GDA: variants seen among roughly 807,000 people sequenced by gnomAD.
The protein encoded by GDA is cytoplasmic PSD-95 interactor.
GDA carries 18 observed loss-of-function variants against 59.6 expected under a neutral mutation model. That is an observed-to-expected ratio of 0.30 (90% CI 0.21 to 0.45). The LOEUF is 0.45. GDA is among the 20% of genes least tolerant of loss of function. The pLI is 1.00. For missense variants in GDA, 427 were observed against 552.3 expected (o/e 0.77, Z 2.27); for synonymous variants, 201 against 201.1 (o/e 1.00, Z 0.00).
At chr9:72,214,435 A>G (rs926078021) in intron 5 of GDA, among the ~76,000 whole-genome samples, 8 of 151,998 alleles carry the variant, frequency 5.3e-5, no homozygotes, top group East Asian at 1.9e-4. Flanking sequence ...AGCTGGGACT[A>G]TAGGTGCATG....
chr9:72,245,324 G>A (rs543352362), intron 12 of GDA, 46 bp downstream of exon 12: 46 of 1,412,850 alleles, frequency 3.3e-5, no homozygotes, highest in South Asian at 1.8e-4. Context: ...TCATAAAGTC[G>A]TCATAATAGC....
intron 1 of GDA, among the ~76,000 whole-genome samples, chr9:72,155,922 A>C (rs550197743): frequency 5.0e-4 from 76 of 152,306 alleles, no homozygotes; most frequent in African/African-American, 1.8e-3. Context: ...TGGTCTACCT[A>C]ATAGGGTTGT....
intron 1 of GDA, among the ~76,000 whole-genome samples, chr9:72,141,467 C>G (rs1319290651): frequency 1.3e-5 from 2 of 150,662 alleles, no homozygotes; most frequent in Non-Finnish European, 3.0e-5. Context: ...TTTTTTTTTC[C>G]TTAAAATCAT....
intron 1 of GDA, among the ~76,000 whole-genome samples, chr9:72,164,964 T>C (rs565701392): frequency 6.9e-6 from 1 of 144,654 alleles, no homozygotes; most frequent in South Asian, 2.2e-4. Flanking sequence ...CACTCCAGCC[T>C]GGGCTACAGA....
intron 1 of GDA, among the ~76,000 whole-genome samples, chr9:72,140,637 G>T (rs1826409262): frequency 6.6e-6 from 1 of 152,078 alleles, no homozygotes; most frequent in African/African-American, 2.4e-5. Context: ...AATTGATGTT[G>T]TCATATTATG....
chr9:72,188,657 A>G (rs1832138627), intron 1 of GDA, among the ~76,000 whole-genome samples: 1 of 152,232 alleles, frequency 6.6e-6, no homozygotes. Flanking sequence ...CTATGGCAAT[A>G]CTGCACAAAA....
At chr9:72,130,955 G>T (rs969976488) in intron 1 of GDA, among the ~76,000 whole-genome samples, 3 of 152,166 alleles carry the variant, frequency 2.0e-5, no homozygotes, top group African/African-American at 7.2e-5. Flanking sequence ...TACACCCTGG[G>T]ATGTATACCC....
At chr9:72,214,302 G>A (rs762460794) in intron 5 of GDA, among the ~76,000 whole-genome samples, 29 of 147,728 alleles carry the variant, frequency 2.0e-4, no homozygotes, top group African/African-American at 3.2e-4. Context: ...TTTTTGAGAC[G>A]GAGTCTCACT....
At chr9:72,244,783 A>G (rs1054359780) in intron 11 of GDA, among the ~76,000 whole-genome samples, 3 of 152,222 alleles carry the variant, frequency 2.0e-5, no homozygotes, top group African/African-American at 7.2e-5. Context: ...GGAGAATAGA[A>G]GGGAAAAAGA....
intron 6 of GDA, among the ~76,000 whole-genome samples, chr9:72,219,837 G>T (rs35560375): frequency 6.6e-6 from 1 of 152,000 alleles, no homozygotes; most frequent in Non-Finnish European, 1.5e-5. Context: ...CTGTACACTA[G>T]ATCCTCAGAA....
intron 1 of GDA, among the ~76,000 whole-genome samples, chr9:72,137,579 A>G (rs1826285425): frequency 6.6e-6 from 1 of 151,548 alleles, no homozygotes; most frequent in African/African-American, 2.4e-5. Context: ...ATTTTCTAAG[A>G]CTCTGTGGTG....
chr9:72,133,287 T>TAA lies in GDA; in HGVS notation c.-100+18476_-100+18477dup, dbSNP rs1257876460. Among the ~76,000 whole-genome samples the TAA allele has an allele frequency of 3.6e-3, 344 of 95,482 alleles. 2 individuals carry two copies. Among genetic ancestry groups the TAA allele is most frequent in the African/African-American group, 0.015 (335 of 23,044 alleles). 62.6% of individuals were successfully genotyped at this position (95,482 alleles called of 152,430 possible). ...CCAGGTGACAAAGCAAGACTCTGTC[T>TAA]AAAAAAAAAAAAAAAAAAAAAAATA... On this transcript the variant is annotated intron_variant, in intron 1 of 13. Transcript: ENST00000545168.
At chr9:72,247,915 G>A (rs1015373353) in intron 13 of GDA, among the ~76,000 whole-genome samples, 1 of 152,130 alleles carries the variant, frequency 6.6e-6, no homozygotes, top group African/African-American at 2.4e-5. Flanking sequence ...AAAGATGCAT[G>A]TGTTACTTCT....
Position 72,249,776 on chromosome 9 carries a change from CT to C in GDA, c.*1437del. 1.2e-6 allele frequency: 1 copy of C among 863,812 alleles called. No individual in the cohort carries two copies. The highest frequency in any genetic ancestry group is 1.4e-6 in the Non-Finnish European group (1 of 719,238). The allele number at this position is 863,812 out of a possible 1,614,324, so 53.5% of individuals were successfully genotyped here. On this transcript the variant is annotated 3_prime_UTR_variant, in exon 14 of 14. Coordinates refer to ENST00000358399, the MANE Select transcript of GDA (RefSeq NM_004293.5). ...TCATTCCTAGAGCTTAGGGGTGACT[CT>C]TTAATATTACCTTATAGTAGAAACT...
chr9:72,172,958 T>G (rs923506693), intron 1 of GDA, among the ~76,000 whole-genome samples: 3 of 152,306 alleles, frequency 2.0e-5, no homozygotes, highest in South Asian at 2.1e-4. Flanking sequence ...GGTTGTACTT[T>G]AGTGGGGAGA....
chr9:72,170,902 A>G (rs140891784), intron 1 of GDA, among the ~76,000 whole-genome samples: 238 of 152,190 alleles, frequency 1.6e-3, no homozygotes, highest in African/African-American at 5.3e-3. Context: ...TGCAGCCTCA[A>G]TCCCCTGGGG....
At chr9:72,160,329 AAT>A (rs151181045) in intron 1 of GDA, among the ~76,000 whole-genome samples, 1 of 151,170 alleles carries the variant, frequency 6.6e-6, no homozygotes, top group Admixed American at 6.6e-5. Flanking sequence ...AAACAAAACA[AAT>A]ATATATATAT....
chr9:72,190,315 T>A (rs2131198342), intron 1 of GDA, among the ~76,000 whole-genome samples: 1 of 152,124 alleles, frequency 6.6e-6, no homozygotes, highest in African/African-American at 2.4e-5. Flanking sequence ...TTAGTAGAGA[T>A]GGGGTTTCAC....
In GDA at chr9:72,249,080, T is replaced by C. The variant is rs1731416104; in HGVS notation, c.*738T>C. 1 of 979,002 alleles carries C rather than the reference T, an allele frequency of 1.0e-6. No homozygotes were observed. The highest frequency in any genetic ancestry group is 1.8e-5 in the African/African-American group (1 of 57,106). 60.6% of individuals were successfully genotyped at this position (979,002 alleles called of 1,614,324 possible). A position where few individuals can be genotyped will look rare whatever the true frequency, so the allele number is the denominator to read the frequency against. Reference sequence around the variant, plus strand: ...GATTTAAAGTCTCTTAGGAATATTATTCATGTAACTCCATGGCATAAATAG... The same window carrying C: ...GATTTAAAGTCTCTTAGGAATATTACTCATGTAACTCCATGGCATAAATAG... On this transcript the variant is annotated 3_prime_UTR_variant, in exon 14 of 14. Coordinates refer to ENST00000358399, the MANE Select transcript of GDA (RefSeq NM_004293.5).
Sources: gnomAD v4.1 joint callset for allele counts (sites outside exome capture counted in the v4.1 genomes callset) on GRCh38, gnomAD v4.1.1 for gene constraint, MANE v1.5 for transcripts, NCBI Gene and HGNC (gene_info 2026-07-23, HGNC 2026-07-21) for gene names.